MAPKAP1: variants seen among roughly 807,000 people sequenced by gnomAD.
The protein encoded by MAPKAP1 is MAPK associated protein 1.
A neutral mutation model predicts 65.7 loss-of-function variants in MAPKAP1; 20 were observed. That is an observed-to-expected ratio of 0.30 (90% CI 0.21 to 0.44). MAPKAP1 has a LOEUF of 0.44. Among genes scored for constraint, MAPKAP1 ranks in the 20% least tolerant of loss-of-function variants. MAPKAP1 has a pLI of 1.00. For synonymous variants in MAPKAP1, 222 were observed against 244.3 expected, an observed-to-expected ratio of 0.91 and a Z score of 0.85; for missense variants, 423 against 648.0, an observed-to-expected ratio of 0.65 and a Z score of 3.77.
At chr9:125,646,112 T>G (rs1308741163) in intron 4 of MAPKAP1, among the ~76,000 whole-genome samples, 1 of 152,168 alleles carries the variant, frequency 6.6e-6, no homozygotes, top group Admixed American at 6.5e-5. Flanking sequence ...AATTACATAC[T>G]TCATGAATAT....
chr9:125,645,011 G>A (rs1833685278), intron 4 of MAPKAP1, among the ~76,000 whole-genome samples: 1 of 152,138 alleles, frequency 6.6e-6, no homozygotes, highest in Non-Finnish European at 1.5e-5. Flanking sequence ...AGGTGGAAAG[G>A]AATCTCAAAA....
intron 7 of MAPKAP1, among the ~76,000 whole-genome samples, chr9:125,538,838 G>A (rs1030128530): frequency 7.2e-5 from 11 of 152,156 alleles, no homozygotes; most frequent in African/African-American, 2.7e-4. Flanking sequence ...GAGCACATAA[G>A]TGAATGTACG....
intron 9 of MAPKAP1, among the ~76,000 whole-genome samples, chr9:125,470,092 T>C (rs1369114549): frequency 1.3e-5 from 2 of 152,226 alleles, no homozygotes; most frequent in Admixed American, 6.5e-5. Context: ...ACCAGAGACA[T>C]GGTTTTAAAA....
At chr9:125,543,416 G>A (rs1564549922) in intron 6 of MAPKAP1, among the ~76,000 whole-genome samples, 2 of 151,530 alleles carry the variant, frequency 1.3e-5, no homozygotes, top group South Asian at 2.1e-4. Flanking sequence ...ACAGGCGCCC[G>A]CCACTACATC....
intron 9 of MAPKAP1, among the ~76,000 whole-genome samples, chr9:125,479,615 T>G (rs1219639086): frequency 2.0e-5 from 3 of 150,814 alleles, no homozygotes; most frequent in Admixed American, 2.0e-4. Context: ...GAAAATCGAC[T>G]TAAGTTTGGG....
intron 1 of MAPKAP1, among the ~76,000 whole-genome samples, chr9:125,683,250 G>A (rs1045489977): frequency 7.9e-5 from 12 of 152,214 alleles, no homozygotes; most frequent in South Asian, 4.1e-4. Flanking sequence ...GAGCCACTGC[G>A]CCTGGCTTAA....
chr9:125,565,801 G>A (rs1456824482), intron 5 of MAPKAP1: 2 of 387,058 alleles, frequency 5.2e-6, no homozygotes, highest in African/African-American at 4.4e-5. Flanking sequence ...ATGTTGTAAG[G>A]AATAAAATAA....
intron 7 of MAPKAP1, among the ~76,000 whole-genome samples, chr9:125,534,446 G>A (rs1830017422): frequency 6.6e-6 from 1 of 152,160 alleles, no homozygotes; most frequent in Non-Finnish European, 1.5e-5. Context: ...CTCCCAAACT[G>A]TGCATTTAGC....
chr9:125,565,696 A>ACCTCAGGAAGTTAGATAACTTCCTGAT (rs1831029164), intron 5 of MAPKAP1: 2 of 417,378 alleles, frequency 4.8e-6, no homozygotes, highest in Non-Finnish European at 9.5e-6. Context: ...GTCCAAAAAA[A>ACCTCAGGAAGTTAGATAACTTCCTGAT]CCTCAGGAAG....
intron 8 of MAPKAP1, among the ~76,000 whole-genome samples, 172 bp from the exon 9 acceptor site, chr9:125,484,755 T>G (rs192975780): frequency 6.6e-6 from 1 of 152,146 alleles, no homozygotes; most frequent in Non-Finnish European, 1.5e-5. Context: ...TGGTAACATA[T>G]TAATCATTCA....
At chr9:125,690,162 A>C (rs924459053) in intron 1 of MAPKAP1, among the ~76,000 whole-genome samples, 1 of 152,234 alleles carries the variant, frequency 6.6e-6, no homozygotes, top group African/African-American at 2.4e-5. Flanking sequence ...AAGGCTTCAC[A>C]GAAGAGACTA....
chr9:125,468,224 T>G (rs1305851941), intron 9 of MAPKAP1, 115 bp from the exon 10 acceptor site: 1 of 1,091,780 alleles, frequency 9.2e-7, no homozygotes, highest in Non-Finnish European at 1.3e-6. Context: ...CGTGAGCTCT[T>G]TCTTAGGGCT....
At chr9:125,689,765 A>G (rs1835110345) in intron 1 of MAPKAP1, among the ~76,000 whole-genome samples, 1 of 148,870 alleles carries the variant, frequency 6.7e-6, no homozygotes, top group Admixed American at 6.7e-5. Flanking sequence ...AAGAAGAAGA[A>G]TGAGAGCAAC....
intron 9 of MAPKAP1, among the ~76,000 whole-genome samples, chr9:125,470,146 A>G (rs77509936): frequency 6.6e-6 from 1 of 152,336 alleles, no homozygotes; most frequent in East Asian, 1.9e-4. Context: ...TAGTCAGTCA[A>G]TACTGTTAAT....
intron 7 of MAPKAP1, among the ~76,000 whole-genome samples, chr9:125,516,818 C>T (rs984224622): frequency 6.6e-6 from 1 of 152,200 alleles, no homozygotes; most frequent in Non-Finnish European, 1.5e-5. Context: ...ATGCCTAGCA[C>T]ATAAGTACTT....
intron 1 of MAPKAP1, among the ~76,000 whole-genome samples, chr9:125,685,471 G>T (rs944269498): frequency 6.6e-6 from 1 of 152,204 alleles, no homozygotes; most frequent in African/African-American, 2.4e-5. Context: ...GAAAGACTGG[G>T]GTGAGTCTGT....
intron 4 of MAPKAP1, among the ~76,000 whole-genome samples, chr9:125,603,491 A>C (rs913472058): frequency 6.6e-6 from 1 of 152,200 alleles, no homozygotes; most frequent in Non-Finnish European, 1.5e-5. Context: ...TCAGGTTGCA[A>C]TTATCTGCAG....
chr9:125,698,288 A>AAT (rs57303829), intron 1 of MAPKAP1, among the ~76,000 whole-genome samples: 734 of 48,624 alleles, frequency 0.015, 4 homozygotes, highest in South Asian at 0.018. Context: ...AATATATATA[A>AAT]ATATATATAT....
intron 7 of MAPKAP1, among the ~76,000 whole-genome samples, chr9:125,510,881 C>T (rs1829277388): frequency 6.6e-6 from 1 of 152,148 alleles, no homozygotes; most frequent in Non-Finnish European, 1.5e-5. Flanking sequence ...TCAGGTCTTA[C>T]TGTGTAATGA....
Sources: allele counts gnomAD v4.1 joint callset (sites outside exome capture counted in the v4.1 genomes callset), GRCh38; gene constraint gnomAD v4.1.1; transcripts MANE v1.5; gene names NCBI Gene and HGNC (gene_info 2026-07-23, HGNC 2026-07-21).